Variants in MIPOL1 observed in about 807,000 individuals in gnomAD.
MIPOL1 encodes mirror-image polydactyly 1.
In MIPOL1, 57 loss-of-function variants were observed where a neutral mutation model predicts 60.9. The observed-to-expected ratio is 0.94, with a 90% CI of 0.76 to 1.17. The LOEUF (loss-of-function observed/expected upper bound fraction) is 1.17, where lower values mean the gene tolerates loss of function less well. Ranked by LOEUF, MIPOL1 falls within the 50% of genes most tolerant of loss-of-function variation. The pLI is 0.00. For missense variants in MIPOL1, 551 were observed against 511.6 expected, an observed-to-expected ratio of 1.08 and a Z score of -0.74; for synonymous variants, 179 against 168.8, an observed-to-expected ratio of 1.06 and a Z score of -0.47.
chr14:37,388,709 A>G (rs1328691947), intron 10 of MIPOL1, among the ~76,000 whole-genome samples: 1 of 151,630 alleles, frequency 6.6e-6, no homozygotes, highest in Non-Finnish European at 1.5e-5. Context: ...ATTCACTTGC[A>G]TTTTCTGGAA....
At chr14:37,263,595 T>C (rs964177398) in intron 3 of MIPOL1, among the ~76,000 whole-genome samples, 2 of 152,212 alleles carry the variant, frequency 1.3e-5, no homozygotes, top group East Asian at 1.9e-4. Flanking sequence ...AAGAGATTGA[T>C]AGTAATCATA....
chr14:37,379,043 C>T (rs577572221), intron 10 of MIPOL1, among the ~76,000 whole-genome samples: 6 of 151,894 alleles, frequency 4.0e-5, no homozygotes, highest in South Asian at 4.2e-4. Flanking sequence ...GGATGACTCA[C>T]GGGTCTTGAT....
intron 10 of MIPOL1, among the ~76,000 whole-genome samples, chr14:37,372,632 G>A (rs1441989903): frequency 6.6e-6 from 1 of 151,938 alleles, no homozygotes; most frequent in Non-Finnish European, 1.5e-5. Flanking sequence ...GTGGGTGCCT[G>A]TAATCCTAGC....
intron 12 of MIPOL1, among the ~76,000 whole-genome samples, chr14:37,501,236 A>G (rs1594754708): frequency 6.6e-6 from 1 of 152,206 alleles, no homozygotes; most frequent in East Asian, 1.9e-4. Context: ...ATTCAGTCAG[A>G]AACTATATGC....
intron 12 of MIPOL1, among the ~76,000 whole-genome samples, chr14:37,509,376 G>A (rs756081671): frequency 2.6e-5 from 4 of 151,628 alleles, no homozygotes; most frequent in Non-Finnish European, 5.9e-5. Flanking sequence ...TCAAAGAGTG[G>A]TATGTATATA....
chr14:37,235,522 TCTAA>T (rs1458136301), intron 1 of MIPOL1, among the ~76,000 whole-genome samples: 2 of 152,168 alleles, frequency 1.3e-5, no homozygotes, highest in Non-Finnish European at 2.9e-5. Context: ...ATAATAGTCC[TCTAA>T]CTGTTAGAGG....
chr14:37,248,823 A>G (rs771234656), intron 3 of MIPOL1, among the ~76,000 whole-genome samples: 1 of 152,062 alleles, frequency 6.6e-6, no homozygotes, highest in African/African-American at 2.4e-5. Context: ...ATAAATTAAG[A>G]CACATATATG....
At chr14:37,545,805 C>A in intron 12 of MIPOL1, 1 of 521,446 alleles carries the variant, frequency 1.9e-6, no homozygotes, top group South Asian at 2.5e-5. Flanking sequence ...CTCATTCCTT[C>A]AGTGTCTAGC....
chr14:37,450,823 A>G (rs2094406468), intron 11 of MIPOL1, among the ~76,000 whole-genome samples: 1 of 152,108 alleles, frequency 6.6e-6, no homozygotes, highest in South Asian at 2.1e-4. Context: ...AGTCTTTTTT[A>G]TCAATGTATT....
At chr14:37,448,693 A>G (rs1220292889) in intron 11 of MIPOL1, among the ~76,000 whole-genome samples, 1 of 152,186 alleles carries the variant, frequency 6.6e-6, no homozygotes, top group African/African-American at 2.4e-5. Flanking sequence ...TTTAAAATCA[A>G]TGAGGTGGGG....
At chr14:37,296,207 A>G (rs2085658483) in intron 7 of MIPOL1, among the ~76,000 whole-genome samples, 1 of 152,182 alleles carries the variant, frequency 6.6e-6, no homozygotes, top group South Asian at 2.1e-4. Flanking sequence ...AATGACTACT[A>G]GGTACATAAC....
At chr14:37,507,160 G>A (rs921640136) in intron 12 of MIPOL1, 4 of 152,092 alleles carry the variant, frequency 2.6e-5, no homozygotes, top group African/African-American at 9.7e-5. Context: ...GCTGGTGGGA[G>A]TGTAAATTAG....
intron 10 of MIPOL1, among the ~76,000 whole-genome samples, chr14:37,383,481 C>T (rs1285432738): frequency 6.6e-6 from 1 of 151,694 alleles, no homozygotes; most frequent in Non-Finnish European, 1.5e-5. Flanking sequence ...TGATCACAGC[C>T]ATCAAAAAAG....
chr14:37,431,832 G>T (rs925095747), intron 11 of MIPOL1, among the ~76,000 whole-genome samples: 3 of 151,164 alleles, frequency 2.0e-5, no homozygotes, highest in Non-Finnish European at 4.4e-5. Context: ...TGATCCGCTC[G>T]CCTCAGCCTC....
intron 3 of MIPOL1, 119 bp downstream of exon 3, chr14:37,248,026 A>T: frequency 1.1e-6 from 1 of 883,658 alleles, no homozygotes; most frequent in Non-Finnish European, 1.8e-6. Flanking sequence ...GCGCACACAC[A>T]CACACAAAAC....
chr14:37,276,821 A>G (rs1208536734), intron 6 of MIPOL1: 2 of 151,216 alleles, frequency 1.3e-5, no homozygotes, highest in Admixed American at 6.6e-5. Context: ...TTTCAAGAAT[A>G]TGAACACTAA....
intron 7 of MIPOL1, among the ~76,000 whole-genome samples, chr14:37,289,359 C>T (rs2084856129): frequency 6.6e-6 from 1 of 152,142 alleles, no homozygotes; most frequent in Non-Finnish European, 1.5e-5. Context: ...GCCTCAGATC[C>T]CATAGGTTGA....
intron 11 of MIPOL1, among the ~76,000 whole-genome samples, chr14:37,467,595 T>C (rs914487248): frequency 2.0e-5 from 3 of 152,198 alleles, no homozygotes; most frequent in Admixed American, 2.0e-4. Context: ...TTCTTCCTTA[T>C]CTATGGGATC....
intron 9 of MIPOL1, among the ~76,000 whole-genome samples, chr14:37,347,749 C>T (rs1351359840): frequency 6.6e-6 from 1 of 152,088 alleles, no homozygotes; most frequent in Admixed American, 6.5e-5. Flanking sequence ...TTTATGTTAA[C>T]AACAATCAAT....
Sources: allele counts gnomAD v4.1 joint callset (sites outside exome capture counted in the v4.1 genomes callset), GRCh38; gene constraint gnomAD v4.1.1; transcripts MANE v1.5; gene names NCBI Gene and HGNC (gene_info 2026-07-23, HGNC 2026-07-21).